Variants in ZBTB7C observed in about 807,000 individuals in gnomAD.
ZBTB7C encodes the protein zinc finger and BTB domain-containing protein 7C.
ZBTB7C carries 8 observed loss-of-function variants against 25.7 expected under a neutral mutation model. The ratio of observed to expected loss-of-function variants is 0.31; its 90% confidence interval spans 0.18 to 0.56. The LOEUF is 0.56. Ranked by LOEUF, ZBTB7C falls within the 20% of genes least tolerant of loss-of-function variation. The pLI, the probability that ZBTB7C is intolerant of heterozygous loss-of-function variation, is 0.91. For synonymous variants in ZBTB7C, 394 were observed against 369.0 expected (o/e 1.07, Z -0.78); for missense variants, 824 against 855.2 (o/e 0.96, Z 0.46).
chr18:48,103,668 A>G (rs770036491), intron 3 of ZBTB7C, among the ~76,000 whole-genome samples: 12 of 152,248 alleles, frequency 7.9e-5, no homozygotes, highest in Non-Finnish European at 1.6e-4. Context: ...TGAGAGCCCC[A>G]AAGTAGAAAC....
intron 3 of ZBTB7C, among the ~76,000 whole-genome samples, chr18:48,091,105 GC>G (rs2038394697): frequency 6.6e-6 from 1 of 151,018 alleles, no homozygotes; most frequent in South Asian, 2.1e-4. Context: ...ACAGGGTCTC[GC>G]TCTGTCACCC....
At chr18:48,032,104 GT>G (rs997409643) in intron 4 of ZBTB7C, among the ~76,000 whole-genome samples, 39 of 152,108 alleles carry the variant, frequency 2.6e-4, no homozygotes, top group African/African-American at 9.4e-4. Flanking sequence ...TATGAGGTAG[GT>G]TTTTTTATTT....
intron 3 of ZBTB7C, among the ~76,000 whole-genome samples, chr18:48,077,321 A>G (rs1183023631): frequency 6.6e-6 from 1 of 152,178 alleles, no homozygotes; most frequent in Non-Finnish European, 1.5e-5. Context: ...AAAGGTAACT[A>G]TGTAAGTGGA....
At chr18:48,203,324 G>A (rs1456781722) in intron 2 of ZBTB7C, 5 of 152,382 alleles carry the variant, frequency 3.3e-5, no homozygotes, top group African/African-American at 1.2e-4. Context: ...AGATGTGGGA[G>A]GTGGCACCAC....
chr18:48,295,974 G>GGGCTC (rs922414090), intron 2 of ZBTB7C, among the ~76,000 whole-genome samples: 1 of 152,176 alleles, frequency 6.6e-6, no homozygotes, highest in African/African-American at 2.4e-5. Context: ...CTAGGATCCC[G>GGGCTC]GGCTCGGTCA....
At chr18:48,088,617 C>G (rs575501358) in intron 3 of ZBTB7C, among the ~76,000 whole-genome samples, 1 of 152,062 alleles carries the variant, frequency 6.6e-6, no homozygotes, top group Middle Eastern at 3.2e-3. Context: ...CACTTGAAGT[C>G]AGGAGTTCAA....
At chr18:48,044,034 C>T (rs1055586307) in intron 3 of ZBTB7C, among the ~76,000 whole-genome samples, 3 of 152,128 alleles carry the variant, frequency 2.0e-5, no homozygotes, top group Non-Finnish European at 2.9e-5. Flanking sequence ...GAACAGTGTA[C>T]CAGGCTGTGG....
At chr18:48,184,785 C>A (rs924078133) in intron 3 of ZBTB7C, among the ~76,000 whole-genome samples, 4 of 151,576 alleles carry the variant, frequency 2.6e-5, no homozygotes, top group Admixed American at 2.0e-4. Context: ...TCACAGGGCT[C>A]TGGTGGCCCT....
At chr18:48,266,346 G>A (rs940204410) in intron 2 of ZBTB7C, among the ~76,000 whole-genome samples, 1 of 151,976 alleles carries the variant, frequency 6.6e-6, no homozygotes, top group African/African-American at 2.4e-5. Context: ...GTCCCTATTA[G>A]GCCTTTAACC....
chr18:48,304,456 C>T lies in ZBTB7C; in HGVS notation c.-79+33718G>A, dbSNP rs371088988. Among the ~76,000 whole-genome samples the T allele has an allele frequency of 3.9e-5, 6 of 152,228 alleles. No individual in the cohort carries two copies. The East Asian group carries it at 9.7e-4, about 25-fold the overall frequency. Reference sequence around the variant, plus strand: ...TTTGGGAGGCCGAGGTGGGGGATCACCTGTGGTCAGGAGTTCGAGACCAGC... The same window carrying T: ...TTTGGGAGGCCGAGGTGGGGGATCATCTGTGGTCAGGAGTTCGAGACCAGC... On this transcript the variant is annotated intron_variant, in intron 2 of 4. Coordinates refer to ENST00000590800, the MANE Select transcript of ZBTB7C (RefSeq NM_001318841.2).
At chr18:48,210,570 CATATT>C (rs2042679860) in intron 2 of ZBTB7C, among the ~76,000 whole-genome samples, 1 of 152,164 alleles carries the variant, frequency 6.6e-6, no homozygotes, top group South Asian at 2.1e-4. Flanking sequence ...CAAAAGATCA[CATATT>C]ATATAATTCC....
intron 3 of ZBTB7C, among the ~76,000 whole-genome samples, chr18:48,103,829 A>G (rs536497476): frequency 3.3e-5 from 5 of 152,150 alleles, no homozygotes; most frequent in African/African-American, 1.2e-4. Context: ...GAAAGAGGCC[A>G]GCCACCAAGG....
At chr18:48,303,726 T>C (rs1207450158) in intron 2 of ZBTB7C, among the ~76,000 whole-genome samples, 1 of 152,204 alleles carries the variant, frequency 6.6e-6, no homozygotes, top group Non-Finnish European at 1.5e-5. Flanking sequence ...CAAGCAGTGA[T>C]GGGGCCTTGA....
intron 1 of ZBTB7C, among the ~76,000 whole-genome samples, chr18:48,348,214 T>G (rs1377749841): frequency 6.6e-6 from 1 of 152,176 alleles, no homozygotes; most frequent in Non-Finnish European, 1.5e-5. Context: ...GATGCCGTCA[T>G]AGGAGCCAGA....
At chr18:48,228,747 T>TCTCACACA (rs764202971) in intron 2 of ZBTB7C, among the ~76,000 whole-genome samples, 7 of 141,070 alleles carry the variant, frequency 5.0e-5, no homozygotes, top group African/African-American at 1.9e-4. Flanking sequence ...TCTCTCTCTC[T>TCTCACACA]CACACACACA....
chr18:48,203,213 C>T (rs1010699891), intron 2 of ZBTB7C, among the ~76,000 whole-genome samples: 8 of 152,108 alleles, frequency 5.3e-5, no homozygotes, highest in Non-Finnish European at 1.2e-4. Flanking sequence ...GACCATACTC[C>T]AGGAATTCAT....
At chr18:48,406,775 T>C (rs1300748874) in intron 1 of ZBTB7C, among the ~76,000 whole-genome samples, 5 of 152,262 alleles carry the variant, frequency 3.3e-5, no homozygotes, top group Admixed American at 3.3e-4. Flanking sequence ...TTCTGACTAA[T>C]ACAGATTGAC....
At chr18:48,308,136 A>G (rs2144778075) in intron 2 of ZBTB7C, among the ~76,000 whole-genome samples, 1 of 152,252 alleles carries the variant, frequency 6.6e-6, no homozygotes, top group East Asian at 1.9e-4. Flanking sequence ...TTCCCATGTC[A>G]GCCATGCAAG....
In ZBTB7C at chr18:48,337,292, G is replaced by A. The variant is rs1030830281; in HGVS notation, c.-79+882C>T. Among the ~76,000 whole-genome samples the A allele has an allele frequency of 3.9e-4, 60 of 152,118 alleles. 1 individual carries two copies. The highest frequency in any genetic ancestry group is 1.4e-3 in the African/African-American group (57 of 41,526). Reference sequence around the variant, plus strand: ...TTTCCCAAGGCCCCAAGCTATTTTTGCCTCCACCCCAGCCTACCATTTTCC... The same window carrying A: ...TTTCCCAAGGCCCCAAGCTATTTTTACCTCCACCCCAGCCTACCATTTTCC... On this transcript the variant is annotated intron_variant, in intron 2 of 4. Transcript: ENST00000590800.
Sources: gnomAD v4.1 joint callset for allele counts (sites outside exome capture counted in the v4.1 genomes callset) on GRCh38, gnomAD v4.1.1 for gene constraint, MANE v1.5 for transcripts, NCBI Gene and HGNC (gene_info 2026-07-23, HGNC 2026-07-21) for gene names.